Variants in COX7A2L observed in about 807,000 individuals in gnomAD.
COX7A2L encodes cytochrome c oxidase subunit 7A2-like, mitochondrial.
In COX7A2L, 18 loss-of-function variants were observed where a neutral mutation model predicts 14.2. The observed-to-expected ratio is 1.27, with a 90% CI of 0.88 to 1.88. The LOEUF (loss-of-function observed/expected upper bound fraction) is 1.88. COX7A2L is among the 40% of genes most tolerant of loss of function. COX7A2L has a pLI of 0.00. For missense variants in COX7A2L, 179 were observed against 138.8 expected, an observed-to-expected ratio of 1.29 and a Z score of -1.46; for synonymous variants, 65 against 57.4, an observed-to-expected ratio of 1.13 and a Z score of -0.60.
At chr2:42,357,831 C>G (rs1182860407) in intron 1 of COX7A2L, among the ~76,000 whole-genome samples, 1 of 152,184 alleles carries the variant, frequency 6.6e-6, no homozygotes, top group East Asian at 1.9e-4. Context: ...CATCAAGTTG[C>G]TCTGCAACTT....
chr2:42,361,186 A>C lies in COX7A2L; in HGVS notation c.-25T>G. ...TGACGCCCAGAGTCCGGCTTCCCGC[A>C]TCCGCTGCCAACGCGACCGCCCCAG... is the stretch of plus-strand genomic sequence containing the variant. On this transcript the variant is annotated 5_prime_UTR_variant, in exon 1 of 3. An upstream start codon of the reference 5' UTR is lost. Coordinates refer to ENST00000234301, the MANE Select transcript of COX7A2L (RefSeq NM_004718.4). 1 of 1,586,806 alleles carries C rather than the reference A, an allele frequency of 6.3e-7. No homozygotes were observed. The highest frequency in any genetic ancestry group is 8.6e-7 in the Non-Finnish European group (1 of 1,163,970).
chr2:42,351,733 G>C (rs1436494807), intron 2 of COX7A2L, among the ~76,000 whole-genome samples: 1 of 152,198 alleles, frequency 6.6e-6, no homozygotes, highest in East Asian at 1.9e-4. Flanking sequence ...CAGCACTTTG[G>C]GAGGCCGAGA....
downstream of COX7A2L, among the ~76,000 whole-genome samples, chr2:42,346,984 T>C (rs1036239955): frequency 2.0e-5 from 3 of 152,120 alleles, no homozygotes; most frequent in African/African-American, 7.2e-5. Context: ...CAATCTCAGC[T>C]CACTGCAGCC....
At chr2:42,354,859 C>G (rs1670766928) in intron 1 of COX7A2L, among the ~76,000 whole-genome samples, 1 of 152,234 alleles carries the variant, frequency 6.6e-6, no homozygotes, top group Non-Finnish European at 1.5e-5. Context: ...CAGCTAATAT[C>G]TATTTAACCC....
intron 2 of COX7A2L, among the ~76,000 whole-genome samples, chr2:42,337,274 G>C (rs552713111): frequency 6.6e-6 from 1 of 152,246 alleles, no homozygotes; most frequent in South Asian, 2.1e-4. Flanking sequence ...CCACACAGTG[G>C]AATAATACTT....
chr2:42,356,947 C>A (rs939931201), intron 1 of COX7A2L, among the ~76,000 whole-genome samples: 2 of 152,048 alleles, frequency 1.3e-5, no homozygotes, highest in African/African-American at 4.8e-5. Flanking sequence ...ATAAGTGGCC[C>A]ATAGATCAAG....
upstream of COX7A2L, chr2:42,361,661 G>T (rs1315863401): frequency 6.5e-6 from 1 of 153,402 alleles, no homozygotes; most frequent in African/African-American, 2.4e-5. Context: ...CCATCCGAGA[G>T]AGTCTGTGCT....
chr2:42,351,393 G>A, intron 2 of COX7A2L, 34 bp from the exon 3 acceptor site: 1 of 1,601,778 alleles, frequency 6.2e-7, no homozygotes. Flanking sequence ...GCATGGTTGA[G>A]AAGAAAAATA....
At chr2:42,346,093 A>G (rs1670492946), downstream of COX7A2L, among the ~76,000 whole-genome samples, 1 of 152,190 alleles carries the variant, frequency 6.6e-6, no homozygotes. Flanking sequence ...CTGCCCCCAC[A>G]GCCTGGCACC....
At position 42,342,613 on chromosome 2, in the gene COX7A2L, T is replaced by G. The variant is rs190946144; in HGVS notation, c.193-8744A>C. Among the ~76,000 whole-genome samples, 1 of 152,288 alleles carries G rather than the reference T, an allele frequency of 6.6e-6. No homozygotes were observed. The highest frequency in any genetic ancestry group is 6.5e-5 in the Admixed American group (1 of 15,300). ...GAGTCAGCAAAGATTCCAATCTGGC[T>G]AATACACATTAGGCAGTGTAGAGAC... is the stretch of plus-strand genomic sequence containing the variant. On this transcript the variant is annotated intron_variant, in intron 2 of 2. Transcript: ENST00000468711. This position sits in a 1 kb window ranked among gnomAD's most constrained non-coding sequence, Gnocchi z 4.9.
upstream of COX7A2L, chr2:42,361,266 G>T: frequency 9.4e-7 from 1 of 1,068,068 alleles, no homozygotes; most frequent in Non-Finnish European, 1.4e-6. Flanking sequence ...AGGACCCGGT[G>T]CTGGGACTAG....
downstream of COX7A2L, among the ~76,000 whole-genome samples, chr2:42,344,778 G>T (rs921121103): frequency 6.6e-6 from 1 of 152,098 alleles, no homozygotes; most frequent in East Asian, 1.9e-4. Flanking sequence ...GTGAACCCAG[G>T]AGGCGGAGCT....
At chr2:42,357,559 G>C (rs1670864653) in intron 1 of COX7A2L, among the ~76,000 whole-genome samples, 1 of 151,748 alleles carries the variant, frequency 6.6e-6, no homozygotes, top group Non-Finnish European at 1.5e-5. Flanking sequence ...CAATTCTCCT[G>C]CCCTGGCCTC....
chr2:42,354,017 T>C (rs999849498), intron 1 of COX7A2L, among the ~76,000 whole-genome samples: 1 of 152,088 alleles, frequency 6.6e-6, no homozygotes, highest in African/African-American at 2.4e-5. Flanking sequence ...ATGACGCCAT[T>C]CACAGCAAAG....
intron 1 of COX7A2L, chr2:42,359,202 G>C (rs1014718028): frequency 2.6e-5 from 4 of 152,198 alleles, no homozygotes; most frequent in African/African-American, 9.7e-5. Context: ...GAGCTCAGGA[G>C]TGAGTCTACA....
At chr2:42,361,231 G>T (rs951080701), upstream of COX7A2L, 4 of 1,448,164 alleles carry the variant, frequency 2.8e-6, no homozygotes, top group Non-Finnish European at 3.8e-6. Flanking sequence ...CCGCCTCCCC[G>T]GCTGTGGTCC....
At chr2:42,348,680 A>G (rs10202845), downstream of COX7A2L, among the ~76,000 whole-genome samples, 18,028 of 152,144 alleles carry the variant, frequency 0.12, 1,059 homozygotes, top group East Asian at 0.17. Context: ...GCACTTTAGG[A>G]GGCTGAGGCG....
chr2:42,343,647 T>A (rs1039188655), intron 2 of COX7A2L, among the ~76,000 whole-genome samples: 5 of 152,104 alleles, frequency 3.3e-5, no homozygotes, highest in African/African-American at 4.8e-5. Context: ...CCAGGCAGTA[T>A]CAGAATTTCT....
At chr2:42,352,974 T>C (rs940530812) in intron 2 of COX7A2L, 5 of 558,108 alleles carry the variant, frequency 9.0e-6, no homozygotes. Flanking sequence ...ATTCATGCCA[T>C]TTCAAAACCC....
Sources: allele counts gnomAD v4.1 joint callset (sites outside exome capture counted in the v4.1 genomes callset), GRCh38; gene constraint gnomAD v4.1.1; non-coding constraint Gnocchi (gnomAD v3.1); transcripts MANE v1.5; gene names NCBI Gene and HGNC (gene_info 2026-07-23, HGNC 2026-07-21).